FAM171A1: variants seen among roughly 807,000 people sequenced by gnomAD.
FAM171A1 encodes the protein protein FAM171A1.
In FAM171A1, 23 loss-of-function variants were observed where a neutral mutation model predicts 74.9. The observed-to-expected ratio is 0.31, with a 90% CI of 0.22 to 0.44. FAM171A1 has a LOEUF of 0.44. Among genes scored for constraint, FAM171A1 ranks in the 20% least tolerant of loss-of-function variants. The pLI, the probability that FAM171A1 is intolerant of heterozygous loss-of-function variation, is 1.00. For synonymous variants in FAM171A1, 527 were observed against 505.7 expected (o/e 1.04, Z -0.57); for missense variants, 1,162 against 1,159.2 (o/e 1.00, Z -0.03).
chr10:15,253,315 C>A (rs1426638051), intron 4 of FAM171A1, among the ~76,000 whole-genome samples: 3 of 152,156 alleles, frequency 2.0e-5, no homozygotes. Flanking sequence ...TAAACCACTT[C>A]TTCATGCTCC....
intron 1 of FAM171A1, among the ~76,000 whole-genome samples, chr10:15,324,299 G>T (rs780906508): frequency 2.6e-5 from 4 of 152,040 alleles, no homozygotes; most frequent in Non-Finnish European, 5.9e-5. Flanking sequence ...AGAAGTCCAC[G>T]CTCAGCAGGG....
chr10:15,321,595 G>A (rs1198198582), intron 1 of FAM171A1, among the ~76,000 whole-genome samples: 7 of 152,034 alleles, frequency 4.6e-5, no homozygotes, highest in Admixed American at 2.6e-4. Context: ...CAACCACAAA[G>A]AAAAACCAAA....
intron 4 of FAM171A1, among the ~76,000 whole-genome samples, chr10:15,253,444 C>T (rs1177028513): frequency 6.6e-6 from 1 of 152,080 alleles, no homozygotes; most frequent in Admixed American, 6.6e-5. Flanking sequence ...CAAGTACTGA[C>T]ATATTTACTG....
intron 6 of FAM171A1, among the ~76,000 whole-genome samples, chr10:15,219,012 G>A (rs887183172): frequency 1.6e-4 from 24 of 152,198 alleles, no homozygotes; most frequent in Non-Finnish European, 3.2e-4. Flanking sequence ...GACAGGCGCA[G>A]TGGCTCATGC....
chr10:15,348,418 G>A (rs372375842), intron 1 of FAM171A1, among the ~76,000 whole-genome samples: 2 of 152,206 alleles, frequency 1.3e-5, no homozygotes, highest in Admixed American at 6.5e-5. Context: ...GATTACAGGC[G>A]TGAGCCCCCA....
At chr10:15,351,608 GATGC>G (rs1402743046) in intron 1 of FAM171A1, among the ~76,000 whole-genome samples, 2 of 123,030 alleles carry the variant, frequency 1.6e-5, no homozygotes, top group Non-Finnish European at 3.5e-5. Flanking sequence ...TGGATGGATG[GATGC>G]ATGGATGGAT....
chr10:15,225,295 G>A (rs1412732158), intron 5 of FAM171A1, among the ~76,000 whole-genome samples: 1 of 152,178 alleles, frequency 6.6e-6, no homozygotes, highest in Non-Finnish European at 1.5e-5. Context: ...CCTGTGAAAG[G>A]CTGGGTGCAG....
intron 1 of FAM171A1, among the ~76,000 whole-genome samples, chr10:15,345,642 G>GT (rs1835809778): frequency 6.6e-6 from 1 of 152,166 alleles, no homozygotes. Context: ...CATCCAGGAG[G>GT]GGGCTGGGAA....
chr10:15,244,753 G>A (rs1396210520), intron 5 of FAM171A1, among the ~76,000 whole-genome samples: 2 of 152,052 alleles, frequency 1.3e-5, no homozygotes, highest in African/African-American at 2.4e-5. Flanking sequence ...GGGAGTAACA[G>A]GTCCCCGCAC....
chr10:15,221,353 A>G (rs939409240), intron 5 of FAM171A1, among the ~76,000 whole-genome samples: 1 of 152,224 alleles, frequency 6.6e-6, no homozygotes, highest in Non-Finnish European at 1.5e-5. Context: ...ATTTTAGCAG[A>G]AGCCTTTGGA....
chr10:15,225,182 T>C (rs1834088920), intron 5 of FAM171A1, among the ~76,000 whole-genome samples: 1 of 152,198 alleles, frequency 6.6e-6, no homozygotes, highest in African/African-American at 2.4e-5. Context: ...TGCGTTCCTT[T>C]TGTTTTCTTC....
At chr10:15,342,390 C>A (rs1057191886) in intron 1 of FAM171A1, among the ~76,000 whole-genome samples, 2 of 152,066 alleles carry the variant, frequency 1.3e-5, no homozygotes, top group Non-Finnish European at 2.9e-5. Flanking sequence ...GCCAATATGG[C>A]GAAACCCTGT....
intron 5 of FAM171A1, among the ~76,000 whole-genome samples, chr10:15,235,113 C>T (rs1011500597): frequency 6.6e-6 from 1 of 151,998 alleles, no homozygotes; most frequent in Admixed American, 6.6e-5. Flanking sequence ...AGTTTGAGAT[C>T]GGCCTGGCCA....
intron 1 of FAM171A1, among the ~76,000 whole-genome samples, chr10:15,370,565 CGGGCGGCGCGCCCT>C (rs1204511270): frequency 6.6e-6 from 1 of 151,984 alleles, no homozygotes; most frequent in African/African-American, 2.4e-5. Context: ...GGAGCGCGAT[CGGGCGGCGCGCCCT>C]GGGCGGCCCC....
At chr10:15,262,537 G>A (rs529905038) in intron 3 of FAM171A1, among the ~76,000 whole-genome samples, 23 of 152,324 alleles carry the variant, frequency 1.5e-4, no homozygotes, top group Middle Eastern at 3.4e-3. Flanking sequence ...GTGGCCACTA[G>A]GTCACGTAAC....
rs145612972 is a variant in FAM171A1 at position 15,268,925 on chromosome 10, C to T, written c.418+6930G>A. 3.4e-4 allele frequency among the ~76,000 whole-genome samples: 51 copies of T among 152,210 alleles called. No individual in the cohort carries two copies. In the East Asian group the frequency reaches 9.5e-3, roughly 28 times the overall value. ...GGTGTGGTGGTGCTTGCCTGTAATC[C>T]CAGCTACTGGGGAGGCTGATGCATG... On this transcript the variant is annotated intron_variant, in intron 3 of 7. Transcript: ENST00000378116.
At chr10:15,243,720 C>T (rs773357794) in intron 5 of FAM171A1, among the ~76,000 whole-genome samples, 23 of 152,180 alleles carry the variant, frequency 1.5e-4, no homozygotes, top group Non-Finnish European at 2.4e-4. Context: ...TCCCTCTAAA[C>T]AAGAGCTTAA....
chr10:15,371,087 C>T lies in FAM171A1; in HGVS notation c.-35G>A, dbSNP rs769379654. ...GGGGCCGGCGGCGGCTCGGGCTCGC[C>T]GAGAGCGGGCCGGGCGGCGGCGCGT... On this transcript the variant is annotated 5_prime_UTR_variant, in exon 1 of 8. Coordinates refer to ENST00000378116, the MANE Select transcript of FAM171A1 (RefSeq NM_001010924.2). 4.2e-6 allele frequency: 4 copies of T among 957,370 alleles called. No individual in the cohort carries two copies. Among genetic ancestry groups the T allele is most frequent in the Non-Finnish European group, 5.0e-6 (4 of 802,054 alleles). The allele number at this position is 957,370 out of a possible 1,614,324, so 59.3% of individuals were successfully genotyped here. A position where few individuals can be genotyped will look rare whatever the true frequency, so the allele number is the denominator to read the frequency against.
upstream of FAM171A1, among the ~76,000 whole-genome samples, chr10:15,373,740 GAAAA>G (rs557095587): frequency 3.8e-4 from 58 of 151,976 alleles, no homozygotes; most frequent in African/African-American, 1.3e-3. Context: ...ATTTAAAATA[GAAAA>G]AAAATCCCAT....
Sources: gnomAD v4.1 joint callset for allele counts (sites outside exome capture counted in the v4.1 genomes callset) on GRCh38, gnomAD v4.1.1 for gene constraint, MANE v1.5 for transcripts, NCBI Gene and HGNC (gene_info 2026-07-23, HGNC 2026-07-21) for gene names.